MACROD2: variants seen among roughly 807,000 people sequenced by gnomAD.
MACROD2 encodes the protein ADP-ribose glycohydrolase MACROD2.
In MACROD2, 36 loss-of-function variants were observed where a neutral mutation model predicts 70.4. The observed-to-expected ratio is 0.51, with a 90% confidence interval of 0.39 to 0.68. The LOEUF is 0.68. Among genes scored for constraint, MACROD2 ranks in the 30% least tolerant of loss-of-function variants. MACROD2 has a pLI of 0.00. For missense variants in MACROD2, 496 were observed against 538.4 expected, an observed-to-expected ratio of 0.92 and a Z score of 0.78; for synonymous variants, 172 against 178.8, an observed-to-expected ratio of 0.96 and a Z score of 0.30.
At chr20:14,368,883 C>G (rs1371896347) in intron 3 of MACROD2, among the ~76,000 whole-genome samples, 8 of 152,182 alleles carry the variant, frequency 5.3e-5, no homozygotes, top group Non-Finnish European at 1.2e-4. Flanking sequence ...CAGATTGGAT[C>G]TTTGCTGACA....
intron 5 of MACROD2, among the ~76,000 whole-genome samples, chr20:15,073,625 A>C (rs538149350): frequency 6.6e-6 from 1 of 152,278 alleles, no homozygotes; most frequent in South Asian, 2.1e-4. Context: ...TGTAATCAAT[A>C]GTAACACTCC....
chr20:15,567,100 G>GT (rs148176034), intron 8 of MACROD2, among the ~76,000 whole-genome samples: 51,719 of 145,982 alleles, frequency 0.35, 9,720 homozygotes, highest in Middle Eastern at 0.49. Flanking sequence ...ACTATTGTGG[G>GT]GTTTTTTTTT....
chr20:14,420,281 G>A (rs1317789191), intron 3 of MACROD2, among the ~76,000 whole-genome samples: 1 of 151,746 alleles, frequency 6.6e-6, no homozygotes, highest in African/African-American at 2.4e-5. Flanking sequence ...CTTTTTTGAG[G>A]AATCTCTAAA....
chr20:14,906,992 G>A (rs2073967133), intron 5 of MACROD2, among the ~76,000 whole-genome samples: 1 of 152,200 alleles, frequency 6.6e-6, no homozygotes, highest in Non-Finnish European at 1.5e-5. Context: ...AGTAGGAGGT[G>A]AGACTCAGCT....
rs137995710 is a variant in MACROD2 at position 14,998,763 on chromosome 20, C to T, written c.419-231177C>T. 2.4e-4 allele frequency among the ~76,000 whole-genome samples: 36 copies of T among 152,254 alleles called. No homozygotes were observed. In the East Asian group the frequency reaches 5.6e-3, roughly 24 times the overall value. On this transcript the variant is annotated intron_variant, in intron 5 of 17. Coordinates refer to ENST00000684519, the MANE Select transcript of MACROD2 (RefSeq NM_001351661.2). ...TTCCATGCCTAGAGAAAGATATCAA[C>T]GTGCAAGTACAAGAAGGTTATAGAA...
intron 3 of MACROD2, among the ~76,000 whole-genome samples, chr20:14,403,936 T>C (rs1374005219): frequency 6.6e-6 from 1 of 152,118 alleles, no homozygotes; most frequent in East Asian, 1.9e-4. Flanking sequence ...AATAAAAATT[T>C]ATATGTTTAA....
In MACROD2 at chr20:14,981,387, C is replaced by T. The variant is rs866899971; in HGVS notation, c.419-248553C>T. On this transcript the variant is annotated intron_variant, in intron 5 of 17. Coordinates refer to ENST00000684519, the MANE Select transcript of MACROD2 (RefSeq NM_001351661.2). ...CTTAAACCTCACTCCTTTGGAAAAGCCTTACTGTAATTCCAATCATACGTG... is the reference window on the plus strand; with the variant it reads ...CTTAAACCTCACTCCTTTGGAAAAGTCTTACTGTAATTCCAATCATACGTG... 6.0e-5 allele frequency among the ~76,000 whole-genome samples: 9 copies of T among 150,360 alleles called. 1 individual carries two copies. In the South Asian group the frequency reaches 1.7e-3, roughly 28 times the overall value.
chr20:14,240,945 A>G (rs1278345975), intron 3 of MACROD2, among the ~76,000 whole-genome samples: 2 of 152,190 alleles, frequency 1.3e-5, no homozygotes, highest in Non-Finnish European at 2.9e-5. Context: ...CCTGACCAAC[A>G]TGGTGAAACC....
chr20:15,429,819 T>C (rs531900503), intron 6 of MACROD2, among the ~76,000 whole-genome samples: 14 of 152,084 alleles, frequency 9.2e-5, no homozygotes, highest in Non-Finnish European at 1.8e-4. Flanking sequence ...AAGTGCACTG[T>C]TGTTACATGA....
intron 6 of MACROD2, among the ~76,000 whole-genome samples, chr20:15,272,353 CAG>C (rs1440472680): frequency 6.6e-6 from 1 of 152,104 alleles, no homozygotes; most frequent in Non-Finnish European, 1.5e-5. Context: ...GTATATCAAA[CAG>C]AATATTGGAC....
In MACROD2 at chr20:14,072,272, G is replaced by A. The variant is rs114778214; in HGVS notation, c.164-13349G>A. On this transcript the variant is annotated intron_variant, in intron 2 of 17. Transcript: ENST00000684519. ...GGTGTGTGTGTGTGTATGGGGTGTG[G>A]TGGGACAGGGATGAAATTGCTGCAT... 6.6e-3 allele frequency among the ~76,000 whole-genome samples: 1,008 copies of A among 152,182 alleles called. 12 individuals are homozygous for A. The highest frequency in any genetic ancestry group is 0.022 in the African/African-American group (908 of 41,512).
chr20:14,400,008 T>A (rs1042337245), intron 3 of MACROD2, among the ~76,000 whole-genome samples: 4 of 152,216 alleles, frequency 2.6e-5, no homozygotes, highest in African/African-American at 9.6e-5. Context: ...TTTAATGCCC[T>A]TGTCTACTAA....
At chr20:15,254,126 G>C (rs2077178463) in intron 6 of MACROD2, among the ~76,000 whole-genome samples, 11 of 152,118 alleles carry the variant, frequency 7.2e-5, no homozygotes, top group Admixed American at 7.2e-4. Context: ...CAGGAAACGA[G>C]TTTATTAGTG....
chr20:14,011,013 C>G (rs572546803), intron 2 of MACROD2, among the ~76,000 whole-genome samples: 39 of 152,270 alleles, frequency 2.6e-4, no homozygotes, highest in African/African-American at 9.1e-4. Context: ...GGTTCTCTTT[C>G]ATAGCATTCA....
chr20:15,219,264 G>T (rs2076837672), intron 5 of MACROD2, among the ~76,000 whole-genome samples: 1 of 152,202 alleles, frequency 6.6e-6, no homozygotes, highest in African/African-American at 2.4e-5. Context: ...TTCTGAAAGT[G>T]TCACCAGAAA....
At chr20:15,977,016 G>T (rs2066316205) in intron 13 of MACROD2, among the ~76,000 whole-genome samples, 1 of 152,138 alleles carries the variant, frequency 6.6e-6, no homozygotes, top group Admixed American at 6.5e-5. Flanking sequence ...GCTCATTCTT[G>T]ATTGAATTCC....
chr20:15,895,641 G>A (rs2064959904), intron 10 of MACROD2, among the ~76,000 whole-genome samples: 1 of 152,170 alleles, frequency 6.6e-6, no homozygotes, highest in East Asian at 1.9e-4. Context: ...AGAGGGCCTG[G>A]TGGCGGCAGC....
intron 8 of MACROD2, among the ~76,000 whole-genome samples, chr20:15,760,919 T>G (rs984306897): frequency 6.6e-6 from 1 of 152,164 alleles, no homozygotes; most frequent in African/African-American, 2.4e-5. Flanking sequence ...AAGGCTAGAT[T>G]CAGAAAACTG....
chr20:15,518,092 C>T (rs1377006401), intron 8 of MACROD2, among the ~76,000 whole-genome samples: 1 of 152,184 alleles, frequency 6.6e-6, no homozygotes, highest in Admixed American at 6.5e-5. Flanking sequence ...ATTTTGGGTG[C>T]CCAAAGAGCA....
Sources: gnomAD v4.1 joint callset for allele counts (sites outside exome capture counted in the v4.1 genomes callset) on GRCh38, gnomAD v4.1.1 for gene constraint, MANE v1.5 for transcripts, NCBI Gene and HGNC (gene_info 2026-07-23, HGNC 2026-07-21) for gene names.